The following EGFLAM variants were observed in gnomAD, a reference collection of about 807,000 sequenced individuals.
EGFLAM encodes EGF like, fibronectin type III and laminin G domains.
In EGFLAM, 79 loss-of-function variants were observed where a neutral mutation model predicts 113.1. That is an observed-to-expected ratio of 0.70 (90% CI 0.58 to 0.84). EGFLAM has a LOEUF of 0.84. EGFLAM is among the 40% of genes least tolerant of loss of function. The probability of loss-of-function intolerance (pLI) is 0.00; values close to 1 mark genes in which losing one functional copy is unlikely to be tolerated. For missense variants in EGFLAM, 1,265 were observed against 1,291.6 expected (o/e 0.98, Z 0.32); for synonymous variants, 504 against 487.6 (o/e 1.03, Z -0.44).
intron 5 of EGFLAM, among the ~76,000 whole-genome samples, chr5:38,367,745 A>G (rs1740100972): frequency 6.6e-6 from 1 of 152,198 alleles, no homozygotes; most frequent in Non-Finnish European, 1.5e-5. Flanking sequence ...GATTTAAGAC[A>G]ATACTTTTGC....
At chr5:38,428,699 A>C (rs1579918652) in intron 14 of EGFLAM, among the ~76,000 whole-genome samples, 1 of 152,204 alleles carries the variant, frequency 6.6e-6, no homozygotes. Context: ...GCCTCTCTGC[A>C]GTGGCAGCTC....
intron 6 of EGFLAM, among the ~76,000 whole-genome samples, chr5:38,375,371 A>T (rs558748950): frequency 6.6e-6 from 1 of 151,346 alleles, no homozygotes; most frequent in South Asian, 2.1e-4. Context: ...CGTCCCTCTC[A>T]CTCCTCTCTG....
rs1741301100 is a variant in EGFLAM at position 38,406,833 on chromosome 5, A to G, written c.834A>G (p.Lys278=). The change falls in exon 8 of 22, where the codon AAA becomes AAG. Residue 278 remains lysine, a synonymous_variant. Transcript: ENST00000322350. ...LDLDISFEEV[K]PLPATKGGNK... is the part of the protein sequence containing the mutation. ...CTTTCCTTCTCTGGCTTTAGGTTAAACCACTTCCTGCTACCAAAGGAGGGA... is the reference window on the plus strand; with the variant it reads ...CTTTCCTTCTCTGGCTTTAGGTTAAGCCACTTCCTGCTACCAAAGGAGGGA... 3 of 1,613,416 alleles carry G rather than the reference A, an allele frequency of 1.9e-6. No individual in the cohort carries two copies. Among genetic ancestry groups the G allele is most frequent in the South Asian group, 2.2e-5 (2 of 91,046 alleles).
At chr5:38,304,809 T>TAACA (rs1758684312) in intron 1 of EGFLAM, among the ~76,000 whole-genome samples, 1 of 152,132 alleles carries the variant, frequency 6.6e-6, no homozygotes. Flanking sequence ...AAGAAAAATG[T>TAACA]AACAGAAACA....
At chr5:38,304,579 A>C (rs1431938887) in intron 1 of EGFLAM, among the ~76,000 whole-genome samples, 1 of 152,222 alleles carries the variant, frequency 6.6e-6, no homozygotes, top group Non-Finnish European at 1.5e-5. Flanking sequence ...AGAAAAACAT[A>C]ATGATATTGA....
intron 5 of EGFLAM, among the ~76,000 whole-genome samples, chr5:38,366,642 G>A (rs978990300): frequency 6.6e-6 from 1 of 152,162 alleles, no homozygotes; most frequent in Non-Finnish European, 1.5e-5. Flanking sequence ...ACCACCCAGT[G>A]GTTCTGTGAC....
chr5:38,379,601 C>A (rs1357332153), intron 6 of EGFLAM, among the ~76,000 whole-genome samples: 1 of 151,800 alleles, frequency 6.6e-6, no homozygotes, highest in Non-Finnish European at 1.5e-5. Flanking sequence ...AGAGAAAGCC[C>A]CTCCCTGAAT....
At position 38,273,163 on chromosome 5, in the gene EGFLAM, C is replaced by T. The variant is rs557373397; in HGVS notation, c.97+14312C>T. 3.1e-4 allele frequency among the ~76,000 whole-genome samples: 47 copies of T among 152,226 alleles called. No homozygotes were observed. The South Asian group carries it at 4.8e-3, about 15-fold the overall frequency. The stretch of plus-strand genomic sequence containing the variant: ...ACCCCTTCCCCAGCAATAGGCAGCA[C>T]AGCATGGAGAGACACACCATACACT... On this transcript the variant is annotated intron_variant, in intron 1 of 21. Coordinates refer to ENST00000322350, the MANE Select transcript of EGFLAM (RefSeq NM_152403.4).
chr5:38,444,630 A>T (rs1398771090), intron 17 of EGFLAM, among the ~76,000 whole-genome samples: 28 of 152,208 alleles, frequency 1.8e-4, no homozygotes, highest in Non-Finnish European at 1.2e-4. Context: ...CAAAAAAATT[A>T]GGTATAGGGT....
intron 1 of EGFLAM, among the ~76,000 whole-genome samples, chr5:38,294,140 G>T (rs185571419): frequency 2.6e-5 from 4 of 152,158 alleles, no homozygotes; most frequent in African/African-American, 9.7e-5. Flanking sequence ...CAAGCTGCAG[G>T]TTCTCATGGG....
intron 19 of EGFLAM, among the ~76,000 whole-genome samples, chr5:38,455,863 A>G (rs1181905947): frequency 6.6e-6 from 1 of 152,166 alleles, no homozygotes; most frequent in African/African-American, 2.4e-5. Context: ...CTCTTAGACA[A>G]CTGAAAAGGT....
chr5:38,427,791 A>T (rs569541738), intron 14 of EGFLAM, among the ~76,000 whole-genome samples: 1 of 152,372 alleles, frequency 6.6e-6, no homozygotes, highest in African/African-American at 2.4e-5. Context: ...CCCGTTCCCT[A>T]AGCAATATGC....
intron 3 of EGFLAM, among the ~76,000 whole-genome samples, chr5:38,343,588 A>T (rs1361321946): frequency 6.6e-6 from 1 of 152,164 alleles, no homozygotes; most frequent in East Asian, 1.9e-4. Context: ...TGCCCCTGTA[A>T]CAAAACTCTG....
At chr5:38,304,326 T>C (rs1758671285) in intron 1 of EGFLAM, among the ~76,000 whole-genome samples, 1 of 152,192 alleles carries the variant, frequency 6.6e-6, no homozygotes, top group Admixed American at 6.5e-5. Flanking sequence ...TCCATATCTC[T>C]TTCCAATGTC....
chr5:38,416,469 A>G (rs886294213), intron 11 of EGFLAM, among the ~76,000 whole-genome samples: 2 of 152,188 alleles, frequency 1.3e-5, no homozygotes, highest in Admixed American at 6.5e-5. Flanking sequence ...GAGAATGTGA[A>G]TTCCAGGGCA....
intron 13 of EGFLAM, 55 bp from the exon 14 acceptor site, chr5:38,426,954 C>T: frequency 1.9e-6 from 3 of 1,597,590 alleles, no homozygotes; most frequent in Non-Finnish European, 2.6e-6. Flanking sequence ...TATGGGTGCA[C>T]ATCTGGCCAG....
At chr5:38,361,658 T>C (rs140329455) in intron 5 of EGFLAM, among the ~76,000 whole-genome samples, 41 of 151,756 alleles carry the variant, frequency 2.7e-4, no homozygotes, top group African/African-American at 8.9e-4. Flanking sequence ...GTGAAGAAAG[T>C]TTACAAATTT....
At chr5:38,453,470 G>A (rs897964451) in intron 19 of EGFLAM, among the ~76,000 whole-genome samples, 3 of 152,174 alleles carry the variant, frequency 2.0e-5, no homozygotes, top group Non-Finnish European at 4.4e-5. Flanking sequence ...CTTGTCCAAT[G>A]TTATGCTATT....
intron 20 of EGFLAM, 79 bp from the exon 21 acceptor site, chr5:38,462,829 T>C: frequency 1.4e-6 from 2 of 1,476,066 alleles, no homozygotes; most frequent in East Asian, 2.3e-5. Flanking sequence ...TTAATACATT[T>C]GTATTGAAAT....
Sources: gnomAD v4.1 joint callset for allele counts (sites outside exome capture counted in the v4.1 genomes callset) on GRCh38, gnomAD v4.1.1 for gene constraint, MANE v1.5 for transcripts, NCBI Gene and HGNC (gene_info 2026-07-23, HGNC 2026-07-21) for gene names.